ANK3: variants seen among roughly 807,000 people sequenced by gnomAD.
ANK3 encodes the protein ankyrin-3.
In ANK3, 57 loss-of-function variants were observed where a neutral mutation model predicts 370.9. That is an observed-to-expected ratio of 0.15 (90% confidence interval 0.12 to 0.19). The LOEUF is 0.19. Among genes scored for constraint, ANK3 ranks in the 10% least tolerant of loss-of-function variants. ANK3 has a pLI of 1.00. For missense variants in ANK3, 4,439 were observed against 5,302.1 expected, an observed-to-expected ratio of 0.84 and a Z score of 5.06; for synonymous variants, 1,929 against 1,946.3, an observed-to-expected ratio of 0.99 and a Z score of 0.23.
intron 2 of ANK3, chr10:60,573,024 T>C (rs959440255): frequency 2.0e-6 from 2 of 987,030 alleles, no homozygotes; most frequent in Admixed American, 6.0e-5. Context: ...AAGCTGAATG[T>C]AAATTGCTCT....
At chr10:60,245,836 C>T (rs994086245) in intron 7 of ANK3, among the ~76,000 whole-genome samples, 5 of 152,172 alleles carry the variant, frequency 3.3e-5, no homozygotes, top group African/African-American at 9.7e-5. Context: ...AACACTCCAG[C>T]CTTCCTAGTC....
chr10:60,128,896 C>T (rs1209471093), intron 25 of ANK3, among the ~76,000 whole-genome samples: 1 of 152,168 alleles, frequency 6.6e-6, no homozygotes, highest in Non-Finnish European at 1.5e-5. Context: ...TGAGCACTGT[C>T]TAATCTGGAT....
chr10:60,063,347 G>T, intron 39 of ANK3, 93 bp from the exon 40 acceptor site: 1 of 1,343,232 alleles, frequency 7.4e-7, no homozygotes, highest in Admixed American at 2.6e-5. Context: ...TTGCAGCCCT[G>T]CTGACATTTT....
intron 5 of ANK3, among the ~76,000 whole-genome samples, chr10:60,266,820 G>T (rs1163117674): frequency 2.4e-4 from 37 of 152,152 alleles, no homozygotes; most frequent in Admixed American, 2.4e-3. Context: ...AAGGAAATGT[G>T]ATAGAGGCTA....
Position 60,205,806 on chromosome 10 carries a change from G to C in ANK3, c.1279C>G (p.Gln427Glu). ...ELLLKHGASI[Q>E]AVTESGLTPI... Reference sequence around the variant, plus strand: ...ACTCTTCTCACCTCGGTTACAGCTTGGATGGATGCACCGTGTTTCAGAAGG... The same window carrying C: ...ACTCTTCTCACCTCGGTTACAGCTTCGATGGATGCACCGTGTTTCAGAAGG... Residue 427 changes from glutamine (Q) to glutamate (E), a missense_variant, in exon 11 of 44, where the codon CAA becomes GAA. Physicochemically the swap from Gln to Glu is conservative, Grantham distance 29. Transcript: ENST00000280772. 1 of 1,612,822 alleles carries C rather than the reference G, an allele frequency of 6.2e-7. No homozygotes were observed. Among genetic ancestry groups the C allele is most frequent in the South Asian group, 1.1e-5 (1 of 91,042 alleles).
Position 60,394,977 on chromosome 10 carries a change from A to G in ANK3, c.97-115338T>C, listed in dbSNP as rs542593007. Among the ~76,000 whole-genome samples the G allele has an allele frequency of 1.9e-4, 29 of 152,364 alleles. 1 individual carries two copies. In the South Asian group the frequency reaches 4.4e-3, roughly 23 times the overall value. ...ATCTGCACTGGCCAATACAGTAGCC[A>G]CTAGCCATATGTGGCTACTGGTAGG... On this transcript the variant is annotated intron_variant, in intron 2 of 43. Transcript: ENST00000373827.
chr10:60,696,411 C>T (rs1034156347), intron 1 of ANK3, among the ~76,000 whole-genome samples: 8 of 150,556 alleles, frequency 5.3e-5, no homozygotes, highest in African/African-American at 2.0e-4. Flanking sequence ...ATGAGGCCAG[C>T]ATCATCCTGA....
In ANK3 at chr10:60,140,034, A is replaced by G. The variant is rs1170084741; in HGVS notation, c.2615-947T>C. 16 of 416,998 alleles carry G rather than the reference A, an allele frequency of 3.8e-5. No homozygotes were observed. The Admixed American group carries it at 6.8e-4, about 18-fold the overall frequency. The allele number at this position is 416,998 out of a possible 1,614,324, so 25.8% of individuals were successfully genotyped here. ...TGGCCAAGAGATTGCAAAAGTGTAC[A>G]TGTTGTGTTTTCTCAAAGGTAAGTG... is the stretch of plus-strand genomic sequence containing the variant. On this transcript the variant is annotated intron_variant, in intron 23 of 43. Coordinates refer to ENST00000280772, the MANE Select transcript of ANK3 (RefSeq NM_020987.5).
At chr10:60,135,582 A>G (rs558716640) in intron 24 of ANK3, among the ~76,000 whole-genome samples, 84 of 152,226 alleles carry the variant, frequency 5.5e-4, no homozygotes, top group Non-Finnish European at 9.8e-4. Flanking sequence ...CACTGCCTAT[A>G]TAATTAAAAA....
chr10:60,047,855 C>T (rs1161054834), intron 42 of ANK3, among the ~76,000 whole-genome samples: 2 of 152,152 alleles, frequency 1.3e-5, no homozygotes, highest in African/African-American at 4.8e-5. Flanking sequence ...TGCTTCTAAG[C>T]ATTTGAAACC....
chr10:60,031,137 C>T (rs935629943), intron 43 of ANK3, among the ~76,000 whole-genome samples: 2 of 152,170 alleles, frequency 1.3e-5, no homozygotes, highest in African/African-American at 4.8e-5. Context: ...TTCAACTAAT[C>T]TTTCAAAAGG....
Position 60,060,102 on chromosome 10 carries a change from T to G in ANK3, c.12596-672A>C, listed in dbSNP as rs551037762. 3.5e-5 allele frequency: 31 copies of G among 896,658 alleles called. No individual in the cohort carries two copies. The East Asian group carries it at 8.0e-4, about 23-fold the overall frequency. The allele number at this position is 896,658 out of a possible 1,614,324, so 55.5% of individuals were successfully genotyped here. A position where few individuals can be genotyped will look rare whatever the true frequency, so the allele number is the denominator to read the frequency against. On this transcript the variant is annotated intron_variant, in intron 40 of 43. Coordinates refer to ENST00000280772, the MANE Select transcript of ANK3 (RefSeq NM_020987.5). ...CTAAAATTATATCAGGCATGAAAAA[T>G]GTATGATGAATTACAGATTAATGTC...
At chr10:60,498,405 A>G (rs969340543) in intron 2 of ANK3, among the ~76,000 whole-genome samples, 1 of 151,868 alleles carries the variant, frequency 6.6e-6, no homozygotes, top group African/African-American at 2.4e-5. Flanking sequence ...TTTTATTTTT[A>G]TTTTGTAGCA....
At chr10:60,097,653 CTT>C (rs2090404608) in intron 28 of ANK3, among the ~76,000 whole-genome samples, 1 of 152,172 alleles carries the variant, frequency 6.6e-6, no homozygotes, top group Non-Finnish European at 1.5e-5. Context: ...ATGGGTTACT[CTT>C]AACGCTTTCA....
At chr10:60,693,907 T>C (rs1257236860) in intron 1 of ANK3, among the ~76,000 whole-genome samples, 3 of 152,054 alleles carry the variant, frequency 2.0e-5, no homozygotes, top group Non-Finnish European at 4.4e-5. Flanking sequence ...GAGAATGACT[T>C]TGACGAGCTG....
At chr10:60,245,042 A>G (rs7912644) in intron 7 of ANK3, among the ~76,000 whole-genome samples, 21,564 of 152,046 alleles carry the variant, frequency 0.14, 1,764 homozygotes, top group East Asian at 0.28. Context: ...GGTAGCGGGC[A>G]CCTGTAGTCC....
At chr10:60,608,051 G>T (rs528757290) in intron 2 of ANK3, among the ~76,000 whole-genome samples, 1 of 152,120 alleles carries the variant, frequency 6.6e-6, no homozygotes, top group African/African-American at 2.4e-5. Flanking sequence ...CCTGGGTGGG[G>T]CATGATTTGG....
chr10:60,482,744 C>A (rs2075257300), intron 2 of ANK3, among the ~76,000 whole-genome samples: 1 of 152,190 alleles, frequency 6.6e-6, no homozygotes, highest in African/African-American at 2.4e-5. Flanking sequence ...GTCTTGGCCT[C>A]CCAAAGTGCT....
intron 1 of ANK3, among the ~76,000 whole-genome samples, chr10:60,288,095 C>T (rs1212289020): frequency 1.3e-5 from 2 of 152,102 alleles, no homozygotes; most frequent in Non-Finnish European, 2.9e-5. Flanking sequence ...TCCTCAACTG[C>T]CCCCTATAAT....
Sources: allele counts gnomAD v4.1 joint callset (sites outside exome capture counted in the v4.1 genomes callset), GRCh38; gene constraint gnomAD v4.1.1; transcripts MANE v1.5; gene names NCBI Gene and HGNC (gene_info 2026-07-23, HGNC 2026-07-21).